Variants in DOCK4 observed in about 807,000 individuals in gnomAD.
DOCK4 encodes the protein dedicator of cytokinesis protein 4.
A neutral mutation model predicts 268.1 loss-of-function variants in DOCK4; 97 were observed. That is an observed-to-expected ratio of 0.36 (90% CI 0.31 to 0.43). DOCK4 has a LOEUF of 0.43. Among genes scored for constraint, DOCK4 ranks in the 20% least tolerant of loss-of-function variants. The pLI is 1.00. For synonymous variants in DOCK4, 954 were observed against 887.2 expected, an observed-to-expected ratio of 1.08 and a Z score of -1.34; for missense variants, 2,145 against 2,455.7, an observed-to-expected ratio of 0.87 and a Z score of 2.67.
intron 1 of DOCK4, among the ~76,000 whole-genome samples, chr7:112,049,363 T>C (rs775410308): frequency 7.2e-5 from 11 of 152,110 alleles, no homozygotes; most frequent in Non-Finnish European, 1.3e-4. Context: ...TGTTAAAACC[T>C]TTAAGTAATC....
At chr7:111,782,150 G>A (rs1563496099) in intron 35 of DOCK4, among the ~76,000 whole-genome samples, 1 of 152,170 alleles carries the variant, frequency 6.6e-6, no homozygotes, top group Non-Finnish European at 1.5e-5. Flanking sequence ...ACATCTAAAT[G>A]TAGGGCCACT....
chr7:111,739,674 C>T lies in DOCK4; in HGVS notation c.5041-197G>A, dbSNP rs76737858. The stretch of plus-strand genomic sequence containing the variant: ...AAAAGTCTGAGATTTTGACTCCTGC[C>T]AAAGGAATGCCTTCGTGTTAGATTC... On this transcript the variant is annotated intron_variant, in intron 47 of 52. Coordinates refer to ENST00000428084, the MANE Select transcript of DOCK4 (RefSeq NM_001363540.2). The T allele has an allele frequency of 3.8e-3, 2,186 of 580,666 alleles. 4 individuals are homozygous for T. The highest frequency in any genetic ancestry group is 4.6e-3 in the Non-Finnish European group (1,517 of 328,114). The allele number at this position is 580,666 out of a possible 1,614,324, so 36.0% of individuals were successfully genotyped here.
At chr7:111,759,646 A>G (rs1182284188) in intron 40 of DOCK4, among the ~76,000 whole-genome samples, 2 of 152,068 alleles carry the variant, frequency 1.3e-5, no homozygotes, top group East Asian at 3.9e-4. Context: ...ATTTCAGCTC[A>G]GTTGTTTGTG....
At chr7:111,802,797 C>T (rs577569855) in intron 30 of DOCK4, among the ~76,000 whole-genome samples, 21 of 152,194 alleles carry the variant, frequency 1.4e-4, no homozygotes, top group African/African-American at 5.1e-4. Context: ...TAAAAAAAAT[C>T]CATACATCCA....
At chr7:111,755,374 G>A (rs896967010) in intron 42 of DOCK4, 141 bp downstream of exon 42, 11 of 734,514 alleles carry the variant, frequency 1.5e-5, no homozygotes, top group Non-Finnish European at 2.3e-5. Flanking sequence ...TGGTAATAGC[G>A]GTCAAGACCA....
chr7:111,761,168 T>G (rs1238892388), intron 39 of DOCK4, among the ~76,000 whole-genome samples: 1 of 151,998 alleles, frequency 6.6e-6, no homozygotes, highest in Admixed American at 6.5e-5. Flanking sequence ...CAAGCAATTC[T>G]TCTGCTTCAG....
At chr7:112,182,174 T>C (rs761119256) in intron 1 of DOCK4, among the ~76,000 whole-genome samples, 1 of 152,156 alleles carries the variant, frequency 6.6e-6, no homozygotes, top group Non-Finnish European at 1.5e-5. Context: ...GCCTACCCCA[T>C]AGAGTTGTTG....
chr7:111,844,132 G>A (rs557944559), intron 25 of DOCK4, among the ~76,000 whole-genome samples: 39 of 152,190 alleles, frequency 2.6e-4, no homozygotes, highest in Admixed American at 2.2e-3. Flanking sequence ...AAAATTAGCC[G>A]GGTGTGGTGG....
intron 1 of DOCK4, among the ~76,000 whole-genome samples, chr7:112,014,779 C>T (rs1167544758): frequency 1.3e-5 from 2 of 151,994 alleles, no homozygotes; most frequent in African/African-American, 4.8e-5. Flanking sequence ...GTGGTGTGTG[C>T]CTGTGGTCCT....
intron 1 of DOCK4, among the ~76,000 whole-genome samples, chr7:112,178,758 T>G (rs1818739644): frequency 6.6e-6 from 1 of 152,204 alleles, no homozygotes; most frequent in Non-Finnish European, 1.5e-5. Context: ...AAAAATATTT[T>G]TTCTAAGCCT....
intron 1 of DOCK4, among the ~76,000 whole-genome samples, chr7:112,025,521 T>A (rs967720653): frequency 6.6e-6 from 1 of 150,688 alleles, no homozygotes; most frequent in Admixed American, 6.6e-5. Context: ...AGTTCCTTTT[T>A]CAGCCACCCT....
chr7:111,800,742 A>G (rs1017359561), intron 30 of DOCK4, among the ~76,000 whole-genome samples: 1 of 152,144 alleles, frequency 6.6e-6, no homozygotes, highest in South Asian at 2.1e-4. Flanking sequence ...CAGACACGCT[A>G]TTCTTCCAAA....
At chr7:111,927,170 T>C (rs918626978) in intron 12 of DOCK4, among the ~76,000 whole-genome samples, 6 of 152,160 alleles carry the variant, frequency 3.9e-5, no homozygotes, top group Admixed American at 3.3e-4. Flanking sequence ...ACTCTGTCCA[T>C]TGGGATGACT....
At position 111,769,659 on chromosome 7, in the gene DOCK4, A is replaced by C; in HGVS notation, c.3698T>G (p.Leu1233Arg). The change falls in exon 37 of 53, where the codon CTC (leucine) becomes CGC (arginine). Residue 1233 changes from leucine to arginine, a missense_variant. Leu to Arg is a moderately radical substitution (Grantham distance 102). Around this residue, in one of 2 missense-constraint regions of DOCK4, gnomAD observed 1,598 missense variants for 1,986.7 expected, o/e 0.80. Coordinates refer to ENST00000428084, the MANE Select transcript of DOCK4 (RefSeq NM_001363540.2). ...CCATTCCAGTAGCTCGTCATATAAG[A>C]GGAGGGTATATGCAGCTTCTGCAAG... ...QNFTEAAYTL[L>R]LYDELLEWSD... 1 of 1,613,662 alleles carries C rather than the reference A, an allele frequency of 6.2e-7. No homozygotes were observed. Among genetic ancestry groups the C allele is most frequent in the Non-Finnish European group, 8.5e-7 (1 of 1,179,758 alleles).
At chr7:111,862,438 C>A (rs1805613664) in intron 23 of DOCK4, among the ~76,000 whole-genome samples, 1 of 146,686 alleles carries the variant, frequency 6.8e-6, no homozygotes, top group African/African-American at 2.5e-5. Context: ...AAAACTATTT[C>A]AAAAAAATCA....
At chr7:111,923,627 T>G (rs55805278) in intron 12 of DOCK4, among the ~76,000 whole-genome samples, 4,259 of 152,078 alleles carry the variant, frequency 0.028, 210 homozygotes, top group African/African-American at 0.097. Context: ...CTTAATAACA[T>G]TTTCTTCTTT....
At chr7:111,910,730 G>A (rs1047663480) in intron 13 of DOCK4, among the ~76,000 whole-genome samples, 3 of 152,270 alleles carry the variant, frequency 2.0e-5, no homozygotes, top group African/African-American at 4.8e-5. Context: ...AGCCCAGACC[G>A]TGGAACGCCT....
In DOCK4 at chr7:112,175,958, A is replaced by T. The variant is rs114865095; in HGVS notation, c.37+30144T>A. Among the ~76,000 whole-genome samples the T allele has an allele frequency of 5.2e-3, 793 of 152,350 alleles. 9 individuals carry two copies. The highest frequency in any genetic ancestry group is 0.018 in the African/African-American group (750 of 41,580). ...AATCTCAGGGTGATCTATCATCAAC[A>T]TTATTTTTAATGATCAACTGACAAG... On this transcript the variant is annotated intron_variant, in intron 1 of 52. Transcript: ENST00000428084.
chr7:112,052,954 G>A (rs1425470545), intron 1 of DOCK4, among the ~76,000 whole-genome samples: 1 of 152,064 alleles, frequency 6.6e-6, no homozygotes, highest in African/African-American at 2.4e-5. Context: ...TTGTAGTTCT[G>A]GTTTCTAATT....
Sources: allele counts gnomAD v4.1 joint callset (sites outside exome capture counted in the v4.1 genomes callset), GRCh38; gene constraint gnomAD v4.1.1; regional missense constraint gnomAD v4.1.1; transcripts MANE v1.5; gene names NCBI Gene and HGNC (gene_info 2026-07-23, HGNC 2026-07-21).